Variants in ABCC8 observed in about 807,000 individuals in gnomAD.
ABCC8 encodes ATP-binding cassette sub-family C member 8.
In ABCC8, 137 loss-of-function variants were observed where a neutral mutation model predicts 188.0. The ratio of observed to expected loss-of-function variants is 0.73; its 90% CI spans 0.63 to 0.84. ABCC8 has a LOEUF of 0.84. Ranked by LOEUF, ABCC8 falls within the 40% of genes least tolerant of loss-of-function variation. ABCC8 has a pLI of 0.00. For missense variants in ABCC8, 1,750 were observed against 2,072.7 expected, an observed-to-expected ratio of 0.84 and a Z score of 3.02; for synonymous variants, 797 against 846.5, an observed-to-expected ratio of 0.94 and a Z score of 1.01.
At chr11:17,453,452 C>G (rs1956886082) in intron 6 of ABCC8, 169 bp from the exon 7 acceptor site, 1 of 426,094 alleles carries the variant, frequency 2.3e-6, no homozygotes, top group South Asian at 9.9e-5. Context: ...ATAAATCCAA[C>G]TAAACGTTTT....
chr11:17,445,989 C>T (rs761722973), intron 8 of ABCC8, among the ~76,000 whole-genome samples: 28 of 147,644 alleles, frequency 1.9e-4, no homozygotes, highest in Admixed American at 1.3e-3. Context: ...TTTTTTAGAC[C>T]GAGTCTCGCT....
chr11:17,396,197 A>T, intron 33 of ABCC8: 2 of 701,854 alleles, frequency 2.8e-6, no homozygotes, highest in Non-Finnish European at 4.5e-6. Context: ...TGTGCCGGGT[A>T]CTTGGCTGAA....
At chr11:17,457,984 C>T (rs1295783904) in intron 6 of ABCC8, among the ~76,000 whole-genome samples, 1 of 152,146 alleles carries the variant, frequency 6.6e-6, no homozygotes, top group East Asian at 1.9e-4. Context: ...GCACTCGGTT[C>T]TCTCTGGATT....
chr11:17,426,810 T>C (rs1955601107), intron 16 of ABCC8, among the ~76,000 whole-genome samples: 1 of 152,178 alleles, frequency 6.6e-6, no homozygotes, highest in African/African-American at 2.4e-5. Flanking sequence ...GTATGGACCT[T>C]GTTAGTTATC....
In ABCC8 at chr11:17,428,646, C is replaced by G. The variant is rs776060408; in HGVS notation, c.1842G>C (p.Leu614=). 1 of 1,613,826 alleles carries G rather than the reference C, an allele frequency of 6.2e-7. No individual in the cohort carries two copies. The highest frequency in any genetic ancestry group is 8.5e-7 in the Non-Finnish European group (1 of 1,180,036). ...LVSVQKLSEF[L]SSAEIREEQC... ...GCTCCTCACGGATCTCTGCACTGGA[C>G]AGGAACTCGCTTAGCTTTTGCACGC... The change falls in exon 13 of 39, where the codon CTG becomes CTC. Residue 614 remains leucine, a synonymous_variant. Coordinates refer to ENST00000389817, the MANE Select transcript of ABCC8 (RefSeq NM_000352.6).
At chr11:17,422,084 C>T (rs1014261152) in intron 16 of ABCC8, among the ~76,000 whole-genome samples, 1 of 152,216 alleles carries the variant, frequency 6.6e-6, no homozygotes, top group Non-Finnish European at 1.5e-5. Flanking sequence ...CGTCTTCTCC[C>T]TGCAGACCTG....
rs780283224 is a variant in ABCC8, at chr11:17,443,233, G to A, written c.1412C>T (p.Ala471Val). 3.1e-6 allele frequency: 5 copies of A among 1,614,072 alleles called. No individual in the cohort carries two copies. The East Asian group carries it at 1.1e-4, about 36-fold the overall frequency. The change falls in exon 9 of 39, where the codon GCT becomes GTT. Residue 471 changes from alanine (A) to valine (V), a missense_variant. Ala to Val is a moderately conservative substitution (Grantham distance 64, BLOSUM62 0). Coordinates refer to ENST00000389817, the MANE Select transcript of ABCC8 (RefSeq NM_000352.6). ...LIGAAVIILL[A>V]PVQYFVATKL... ...GGTGGCCACGAAGTACTGGACAGGA[G>A]CCAGTAGAATGATGACAGCTGCTCC...
chr11:17,467,042 C>CACACACACA (rs1848197376), intron 3 of ABCC8, among the ~76,000 whole-genome samples: 1 of 132,312 alleles, frequency 7.6e-6, no homozygotes, highest in Admixed American at 7.6e-5. Context: ...ACATGTTAAA[C>CACACACACA]CACACACACA....
At chr11:17,470,330 C>A in intron 2 of ABCC8, 108 bp from the exon 3 acceptor site, 1 of 1,567,380 alleles carries the variant, frequency 6.4e-7, no homozygotes, top group Non-Finnish European at 8.6e-7. Context: ...TATAGCATCA[C>A]TTTATAGGCT....
intron 16 of ABCC8, among the ~76,000 whole-genome samples, chr11:17,421,905 C>T (rs915640162): frequency 2.6e-5 from 4 of 152,214 alleles, no homozygotes; most frequent in African/African-American, 9.6e-5. Context: ...CTGCCTTGTG[C>T]CTCCTGGAAC....
intron 34 of ABCC8, 33 bp from the exon 35 acceptor site, chr11:17,395,751 G>T (rs913320921): frequency 6.4e-7 from 1 of 1,552,360 alleles, no homozygotes; most frequent in Non-Finnish European, 8.7e-7. Flanking sequence ...GCAGGGGAAG[G>T]CGGTGACTGC....
intron 29 of ABCC8, among the ~76,000 whole-genome samples, chr11:17,402,103 A>G (rs899776819): frequency 6.6e-6 from 1 of 152,206 alleles, no homozygotes; most frequent in African/African-American, 2.4e-5. Context: ...CATGGGGCTT[A>G]GCACATAGTC....
chr11:17,428,154 G>A (rs1315189887), intron 14 of ABCC8, 135 bp downstream of exon 14: 1 of 1,538,612 alleles, frequency 6.5e-7, no homozygotes, highest in Non-Finnish European at 8.8e-7. Context: ...CCTGGTTTCT[G>A]GACTCCTATG....
chr11:17,413,024 C>A, intron 20 of ABCC8: 1 of 659,886 alleles, frequency 1.5e-6, no homozygotes, highest in South Asian at 2.0e-5. Flanking sequence ...TAAAATCACA[C>A]AAAAGGAGGA....
At chr11:17,454,432 G>A (rs1377265760) in intron 6 of ABCC8, among the ~76,000 whole-genome samples, 2 of 152,198 alleles carry the variant, frequency 1.3e-5, no homozygotes, top group Admixed American at 6.5e-5. Context: ...GCAGCCACAG[G>A]GAGACCACTG....
Position 17,405,515 on chromosome 11 carries a change from A to G in ABCC8, c.3378T>C (p.Ser1126=), listed in dbSNP as rs375846829. The change falls in exon 27 of 39, where the codon TCT becomes TCC. Residue 1126 remains serine, a synonymous_variant. Coordinates refer to ENST00000389817, the MANE Select transcript of ABCC8 (RefSeq NM_000352.6). ...PLGSILNRFS[S]DCNTIDQHIP... The stretch of plus-strand genomic sequence containing the variant: ...GTACCTGGTCGATGGTGTTACAGTC[A>G]GATGAAAATCTGTTCAGGATGCTCC... 4.3e-6 allele frequency: 7 copies of G among 1,614,160 alleles called. No individual in the cohort carries two copies. The African/African-American group carries it at 8.0e-5, about 18-fold the overall frequency.
intron 10 of ABCC8, among the ~76,000 whole-genome samples, chr11:17,433,850 C>T (rs1407055699): frequency 1.3e-5 from 2 of 152,210 alleles, no homozygotes; most frequent in Admixed American, 1.3e-4. Flanking sequence ...ATACCAACAT[C>T]ATACATGCCT....
chr11:17,439,460 C>T (rs912291200), intron 10 of ABCC8, among the ~76,000 whole-genome samples: 1 of 152,080 alleles, frequency 6.6e-6, no homozygotes, highest in Non-Finnish European at 1.5e-5. Context: ...AAGAGATGCC[C>T]CATTACCTCA....
intron 33 of ABCC8, 26 bp from the exon 34 acceptor site, chr11:17,395,956 C>T (rs1250060918): frequency 3.8e-6 from 6 of 1,558,474 alleles, no homozygotes; most frequent in East Asian, 2.4e-5. Flanking sequence ...CAGGCACCGC[C>T]ACTGGGACTC....
Sources: gnomAD v4.1 joint callset for allele counts (sites outside exome capture counted in the v4.1 genomes callset) on GRCh38, gnomAD v4.1.1 for gene constraint, MANE v1.5 for transcripts, NCBI Gene and HGNC (gene_info 2026-07-23, HGNC 2026-07-21) for gene names.